Variants in ATAD2B observed in about 807,000 individuals in gnomAD.
ATAD2B encodes ATPase family AAA domain-containing protein 2B.
A neutral mutation model predicts 167.6 loss-of-function variants in ATAD2B; 40 were observed. That is an observed-to-expected ratio of 0.24 (90% CI 0.19 to 0.31). ATAD2B has a LOEUF of 0.31. Ranked by LOEUF, ATAD2B falls within the 10% of genes least tolerant of loss-of-function variation. ATAD2B has a pLI of 1.00. For missense variants in ATAD2B, 1,242 were observed against 1,757.2 expected (o/e 0.71, Z 5.24); for synonymous variants, 579 against 596.5 (o/e 0.97, Z 0.43).
the ATAD2B span, among the ~76,000 whole-genome samples, chr2:23,718,562 C>T: frequency 6.6e-6 from 1 of 152,162 alleles, no homozygotes; most frequent in African/African-American, 2.4e-5. Context: ...ATGATGTAGG[C>T]CACCACCAGG....
chr2:23,906,817 G>A (rs1235351467), intron 1 of ATAD2B, among the ~76,000 whole-genome samples: 4 of 151,748 alleles, frequency 2.6e-5, no homozygotes, highest in East Asian at 1.9e-4. Flanking sequence ...TTCAATACAC[G>A]CAAATCAATA....
intron 1 of ATAD2B, among the ~76,000 whole-genome samples, chr2:23,899,956 C>T (rs1437051054): frequency 8.0e-6 from 1 of 125,746 alleles, no homozygotes; most frequent in Non-Finnish European, 1.6e-5. Context: ...CAGAGTCTAG[C>T]TCTGTCGCCC....
At chr2:23,697,031 T>C in the ATAD2B span, 2 of 156,496 alleles carry the variant, frequency 1.3e-5, no homozygotes, top group East Asian at 3.8e-4. Flanking sequence ...GGACATCTGT[T>C]CGTAATACAG....
At chr2:23,840,048 T>C (rs978565206) in intron 13 of ATAD2B, among the ~76,000 whole-genome samples, 1 of 152,196 alleles carries the variant, frequency 6.6e-6, no homozygotes, top group Non-Finnish European at 1.5e-5. Context: ...TCCATGTTAC[T>C]GGTTTGATAA....
intron 8 of ATAD2B, among the ~76,000 whole-genome samples, chr2:23,874,348 A>G (rs1033091598): frequency 6.6e-6 from 1 of 152,164 alleles, no homozygotes; most frequent in Non-Finnish European, 1.5e-5. Flanking sequence ...ATGACCTCTG[A>G]GTTGGCAATG....
chr2:23,810,183 T>C, intron 18 of ATAD2B, 133 bp downstream of exon 18: 1 of 766,820 alleles, frequency 1.3e-6, no homozygotes. Flanking sequence ...AGAATGCTAA[T>C]GAATAATCAA....
chr2:23,683,349 C>G, the ATAD2B span, among the ~76,000 whole-genome samples: 9 of 152,370 alleles, frequency 5.9e-5, no homozygotes, highest in South Asian at 1.9e-3. Context: ...TGACGCGCAG[C>G]TGCCAGCAAC....
intron 13 of ATAD2B, among the ~76,000 whole-genome samples, chr2:23,857,112 G>A (rs931686253): frequency 2.0e-5 from 3 of 152,012 alleles, no homozygotes; most frequent in South Asian, 2.1e-4. Flanking sequence ...CAACGCATTC[G>A]GTCTCTCTAT....
intron 10 of ATAD2B, chr2:23,866,015 A>C (rs1695073813): frequency 1.5e-6 from 1 of 652,442 alleles, no homozygotes; most frequent in Admixed American, 6.3e-5. Context: ...ATGATAGAAA[A>C]AGTGAAAGTA....
chr2:23,916,913 G>C (rs1392134597), intron 1 of ATAD2B, among the ~76,000 whole-genome samples: 1 of 152,102 alleles, frequency 6.6e-6, no homozygotes, highest in African/African-American at 2.4e-5. Flanking sequence ...GCATGTATTT[G>C]TCTCCTCCAC....
chr2:23,926,916 A>C lies in ATAD2B; in HGVS notation c.-146T>G. The C allele has an allele frequency of 1.0e-6, 1 of 988,656 alleles. No individual in the cohort carries two copies. Among genetic ancestry groups the C allele is most frequent in the Non-Finnish European group, 1.4e-6 (1 of 707,464 alleles). The allele number at this position is 988,656 out of a possible 1,614,324, so 61.2% of individuals were successfully genotyped here. A position where few individuals can be genotyped will look rare whatever the true frequency, so the allele number is the denominator to read the frequency against. On this transcript the variant is annotated 5_prime_UTR_variant, in exon 1 of 28. Coordinates refer to ENST00000238789, the MANE Select transcript of ATAD2B (RefSeq NM_017552.4). The stretch of plus-strand genomic sequence containing the variant: ...AGCGTGCGGAGCGCAGACGAGCACA[A>C]GAGAGAGCCGGGCAGAGGAAGGGAA...
chr2:23,768,012 C>A (rs1677708825), intron 22 of ATAD2B, among the ~76,000 whole-genome samples: 1 of 151,954 alleles, frequency 6.6e-6, no homozygotes, highest in African/African-American at 2.4e-5. Context: ...TAAAAAATAT[C>A]CCAATGGAGA....
At chr2:23,854,108 G>A (rs1195266102) in intron 13 of ATAD2B, among the ~76,000 whole-genome samples, 1 of 151,724 alleles carries the variant, frequency 6.6e-6, no homozygotes, top group Non-Finnish European at 1.5e-5. Context: ...CGCCAGGCAT[G>A]GTAGCACACA....
At chr2:23,770,346 A>T (rs1172946568) in intron 22 of ATAD2B, among the ~76,000 whole-genome samples, 3 of 152,088 alleles carry the variant, frequency 2.0e-5, no homozygotes, top group Non-Finnish European at 4.4e-5. Flanking sequence ...ATAAATAAAT[A>T]AAAAGATTAA....
intron 3 of ATAD2B, 74 bp from the exon 4 acceptor site, chr2:23,888,059 A>T: frequency 2.3e-6 from 3 of 1,283,606 alleles, no homozygotes; most frequent in Non-Finnish European, 3.1e-6. Flanking sequence ...AAATCAAAAA[A>T]TTACTTTTAA....
chr2:23,777,849 T>C (rs1431415876), intron 22 of ATAD2B, among the ~76,000 whole-genome samples: 1 of 152,188 alleles, frequency 6.6e-6, no homozygotes, highest in Non-Finnish European at 1.5e-5. Context: ...TTTCTTCTTG[T>C]TCCCATCATT....
At chr2:23,854,716 A>T (rs193298603) in intron 13 of ATAD2B, among the ~76,000 whole-genome samples, 27 of 152,094 alleles carry the variant, frequency 1.8e-4, no homozygotes, top group African/African-American at 6.0e-4. Context: ...TAATATTTTC[A>T]AAGAAAACAT....
intron 9 of ATAD2B, among the ~76,000 whole-genome samples, 196 bp downstream of exon 9, chr2:23,869,467 G>A (rs900592052): frequency 3.3e-5 from 5 of 152,072 alleles, no homozygotes; most frequent in Non-Finnish European, 7.4e-5. Context: ...TTATTTTATC[G>A]TAAGTACTTT....
chr2:23,783,892 G>C (rs1680416308), intron 21 of ATAD2B, among the ~76,000 whole-genome samples: 1 of 152,070 alleles, frequency 6.6e-6, no homozygotes, highest in Admixed American at 6.5e-5. Flanking sequence ...TGAAGTTTCA[G>C]ATGGCATCGA....
Sources: allele counts gnomAD v4.1 joint callset (sites outside exome capture counted in the v4.1 genomes callset), GRCh38; gene constraint gnomAD v4.1.1; transcripts MANE v1.5; gene names NCBI Gene and HGNC (gene_info 2026-07-23, HGNC 2026-07-21).